The following RANBP2 variants were observed in gnomAD, a reference collection of about 807,000 sequenced individuals.
The protein encoded by RANBP2 is RAN binding protein 2.
A neutral mutation model predicts 303.6 loss-of-function variants in RANBP2; 57 were observed. That is an observed-to-expected ratio of 0.19 (90% CI 0.15 to 0.23). RANBP2 has a LOEUF of 0.23. Among genes scored for constraint, RANBP2 ranks in the 10% least tolerant of loss-of-function variants. The pLI is 1.00. For synonymous variants in RANBP2, 1,167 were observed against 1,301.5 expected, an observed-to-expected ratio of 0.90 and a Z score of 2.23; for missense variants, 3,138 against 3,780.8, an observed-to-expected ratio of 0.83 and a Z score of 4.46.
At chr2:108,971,756 C>T in the RANBP2 span, among the ~76,000 whole-genome samples, 2 of 152,196 alleles carry the variant, frequency 1.3e-5, no homozygotes, top group Admixed American at 1.3e-4. Flanking sequence ...AACACATACA[C>T]AAACTCTTTG....
chr2:109,322,675 A>T, the RANBP2 span, among the ~76,000 whole-genome samples: 1 of 152,240 alleles, frequency 6.6e-6, no homozygotes, highest in East Asian at 1.9e-4. Context: ...AGGACTCATT[A>T]GCTGAGCACA....
the RANBP2 span, among the ~76,000 whole-genome samples, chr2:109,292,352 G>A: frequency 6.6e-6 from 1 of 152,152 alleles, no homozygotes; most frequent in Non-Finnish European, 1.5e-5. Context: ...TTTCAAACAT[G>A]GCTGGGATCA....
chr2:109,574,344 G>A, the RANBP2 span, among the ~76,000 whole-genome samples: 1 of 150,210 alleles, frequency 6.7e-6, no homozygotes, highest in Non-Finnish European at 1.5e-5. Context: ...TACCTGGGAA[G>A]CTGAGGCAGG....
chr2:109,656,002 G>C, the RANBP2 span, among the ~76,000 whole-genome samples: 2 of 152,092 alleles, frequency 1.3e-5, no homozygotes, highest in African/African-American at 2.4e-5. Context: ...GTTTTGATTT[G>C]TAAACTGCTA....
the RANBP2 span, among the ~76,000 whole-genome samples, chr2:109,703,255 A>G: frequency 6.6e-6 from 1 of 152,178 alleles, no homozygotes; most frequent in African/African-American, 2.4e-5. Context: ...GTTGTTATTA[A>G]TCACTGAGCT....
chr2:109,246,322 C>T, the RANBP2 span, among the ~76,000 whole-genome samples: 3 of 152,214 alleles, frequency 2.0e-5, no homozygotes, highest in Non-Finnish European at 4.4e-5. Flanking sequence ...TCCAGGTTCA[C>T]AGACGGTGCC....
chr2:108,822,151 G>C, the RANBP2 span, among the ~76,000 whole-genome samples: 5 of 152,190 alleles, frequency 3.3e-5, no homozygotes, highest in African/African-American at 1.2e-4. Flanking sequence ...GAAAAGACTA[G>C]TAGTAGTAAT....
chr2:109,575,913 T>A, the RANBP2 span, among the ~76,000 whole-genome samples: 4 of 152,190 alleles, frequency 2.6e-5, no homozygotes, highest in African/African-American at 9.6e-5. Context: ...ATGCAAATGG[T>A]AAACAATGTG....
chr2:108,876,284 G>T, the RANBP2 span: 1 of 1,271,222 alleles, frequency 7.9e-7, no homozygotes, highest in Admixed American at 2.3e-5. Context: ...AGTATATGTG[G>T]TGCTTATTTA....
chr2:109,402,496 C>T, the RANBP2 span, among the ~76,000 whole-genome samples: 4 of 152,312 alleles, frequency 2.6e-5, no homozygotes, highest in South Asian at 2.1e-4. Flanking sequence ...TCGTGGGAAA[C>T]GTGGAGTGGA....
the RANBP2 span, among the ~76,000 whole-genome samples, chr2:108,992,751 T>C: frequency 6.6e-6 from 1 of 152,228 alleles, no homozygotes; most frequent in East Asian, 1.9e-4. Context: ...GTTCTGTCTA[T>C]AGTGTAGAGT....
At chr2:108,949,538 C>T in the RANBP2 span, among the ~76,000 whole-genome samples, 1 of 152,206 alleles carries the variant, frequency 6.6e-6, no homozygotes, top group Non-Finnish European at 1.5e-5. Context: ...TCTTAGCTAA[C>T]AGCCTCCAAA....
the RANBP2 span, among the ~76,000 whole-genome samples, chr2:109,305,376 A>G: frequency 6.6e-6 from 1 of 151,936 alleles, no homozygotes; most frequent in Non-Finnish European, 1.5e-5. Context: ...GGAGGCCCAT[A>G]CAGGTGTCTC....
At chr2:108,909,250 G>A in the RANBP2 span, among the ~76,000 whole-genome samples, 1 of 152,218 alleles carries the variant, frequency 6.6e-6, no homozygotes, top group Non-Finnish European at 1.5e-5. Context: ...AATATCAGAA[G>A]GGAGAGGCTG....
At chr2:109,371,190 A>C in the RANBP2 span, among the ~76,000 whole-genome samples, 1 of 152,266 alleles carries the variant, frequency 6.6e-6, no homozygotes, top group Non-Finnish European at 1.5e-5. Context: ...GGAGTTCAAA[A>C]CCAGCCTGGG....
chr2:108,773,379 C>G (rs1677645316), intron 23 of RANBP2, among the ~76,000 whole-genome samples: 1 of 152,012 alleles, frequency 6.6e-6, no homozygotes, highest in Non-Finnish European at 1.5e-5. Flanking sequence ...CTAGAATGTT[C>G]TTACCAAATA....
the RANBP2 span, among the ~76,000 whole-genome samples, chr2:109,037,323 C>CAAAAAAAAAAAAAAAAAAA: frequency 3.7e-5 from 2 of 54,338 alleles, no homozygotes; most frequent in African/African-American, 6.2e-5. Context: ...GACCATGTCT[C>CAAAAAAAAAAAAAAAAAAA]AAAAAAAAAA....
the RANBP2 span, among the ~76,000 whole-genome samples, chr2:109,733,819 C>T: frequency 6.6e-6 from 1 of 151,332 alleles, no homozygotes; most frequent in East Asian, 1.9e-4. Flanking sequence ...TTGCAGTGAG[C>T]CAAGATTGCA....
At chr2:108,795,061 A>G in the RANBP2 span, among the ~76,000 whole-genome samples, 688 of 151,286 alleles carry the variant, frequency 4.5e-3, 3 homozygotes, top group African/African-American at 0.016. Flanking sequence ...GTACTTATAT[A>G]TAAAAAGTCT....
Sources: gnomAD v4.1 joint callset for allele counts (sites outside exome capture counted in the v4.1 genomes callset) on GRCh38, gnomAD v4.1.1 for gene constraint, MANE v1.5 for transcripts, NCBI Gene and HGNC (gene_info 2026-07-23, HGNC 2026-07-21) for gene names.